CMIP: variants seen among roughly 807,000 people sequenced by gnomAD.
The protein encoded by CMIP is c-Maf inducing protein.
CMIP carries 13 observed loss-of-function variants against 97.3 expected under a neutral mutation model. The ratio of observed to expected loss-of-function variants is 0.13; its 90% CI spans 0.09 to 0.21. CMIP has a LOEUF of 0.21. CMIP is among the 10% of genes least tolerant of loss of function. The pLI is 1.00. For missense variants in CMIP, 847 were observed against 1,024.9 expected, an observed-to-expected ratio of 0.83 and a Z score of 2.37; for synonymous variants, 538 against 436.3, an observed-to-expected ratio of 1.23 and a Z score of -2.91.
chr16:81,597,526 G>A (rs2091577993), intron 1 of CMIP, among the ~76,000 whole-genome samples: 1 of 150,214 alleles, frequency 6.7e-6, no homozygotes, highest in Admixed American at 6.7e-5. Context: ...CCTCTTGCAG[G>A]ATTGTGGGAT....
chr16:81,645,904 A>C (rs1444048098), intron 3 of CMIP: 8 of 458,526 alleles, frequency 1.7e-5, no homozygotes, highest in Non-Finnish European at 3.2e-5. Flanking sequence ...ATTTGCAGAC[A>C]AGGAAACTGG....
chr16:81,461,130 G>C (rs986792529), intron 1 of CMIP, among the ~76,000 whole-genome samples: 2 of 152,184 alleles, frequency 1.3e-5, no homozygotes, highest in Admixed American at 1.3e-4. Context: ...TTCTGGCTTG[G>C]ATTGGGTGTC....
At chr16:81,654,169 TC>T (rs1246839841) in intron 4 of CMIP, among the ~76,000 whole-genome samples, 1 of 152,274 alleles carries the variant, frequency 6.6e-6, no homozygotes, top group East Asian at 1.9e-4. Flanking sequence ...AGATTTTTTT[TC>T]CCCTCTCAGA....
intron 1 of CMIP, among the ~76,000 whole-genome samples, chr16:81,482,968 A>G (rs2089251733): frequency 6.6e-6 from 1 of 152,254 alleles, no homozygotes; most frequent in Non-Finnish European, 1.5e-5. Flanking sequence ...GCACCATTGC[A>G]GGCACGGAGC....
At chr16:81,698,507 C>G (rs1026916414) in intron 14 of CMIP, among the ~76,000 whole-genome samples, 4 of 152,208 alleles carry the variant, frequency 2.6e-5, no homozygotes, top group African/African-American at 4.8e-5. Flanking sequence ...CGAAGGCTGC[C>G]TAGAAGTTTC....
At chr16:81,495,619 T>C in intron 1 of CMIP, 2 of 967,582 alleles carry the variant, frequency 2.1e-6, no homozygotes, top group Non-Finnish European at 1.6e-6. Context: ...GGCAGGTGTG[T>C]CTGCTAATCT....
At chr16:81,679,113 G>C (rs1041618620) in intron 10 of CMIP, among the ~76,000 whole-genome samples, 16 of 152,214 alleles carry the variant, frequency 1.1e-4, no homozygotes, top group African/African-American at 3.9e-4. Context: ...TGGGTGTGTG[G>C]GATCCTTAGA....
chr16:81,458,706 T>G (rs9940384), intron 1 of CMIP, among the ~76,000 whole-genome samples: 88,070 of 151,834 alleles, frequency 0.58, 25,971 homozygotes, highest in East Asian at 0.75. Flanking sequence ...ATCGGGCAGG[T>G]TGATTAGGAG....
At chr16:81,469,446 A>G (rs1907395341) in intron 1 of CMIP, among the ~76,000 whole-genome samples, 2 of 152,256 alleles carry the variant, frequency 1.3e-5, no homozygotes, top group Admixed American at 1.3e-4. Context: ...GATAATGCAC[A>G]TCTGGTGTTA....
At chr16:81,495,438 A>G (rs2089471567) in intron 1 of CMIP, 1 of 1,609,558 alleles carries the variant, frequency 6.2e-7, no homozygotes, top group Non-Finnish European at 8.5e-7. Context: ...TCCTGCGAGG[A>G]GGGAAGTTAC....
At chr16:81,575,587 C>A (rs1317973221) in intron 1 of CMIP, among the ~76,000 whole-genome samples, 2 of 152,176 alleles carry the variant, frequency 1.3e-5, no homozygotes, top group Non-Finnish European at 1.5e-5. Flanking sequence ...GGAGCCAACA[C>A]CCCCAGGACA....
At chr16:81,483,379 T>C (rs959672229) in intron 1 of CMIP, among the ~76,000 whole-genome samples, 3 of 152,114 alleles carry the variant, frequency 2.0e-5, no homozygotes, top group African/African-American at 7.2e-5. Flanking sequence ...GAATGTGCCT[T>C]GAGGAGGGTG....
intron 1 of CMIP, among the ~76,000 whole-genome samples, chr16:81,529,789 T>G (rs2150820552): frequency 6.6e-6 from 1 of 152,284 alleles, no homozygotes; most frequent in South Asian, 2.1e-4. Flanking sequence ...GCAGGCAGCC[T>G]TGGAGAACGG....
intron 3 of CMIP, among the ~76,000 whole-genome samples, chr16:81,646,674 T>A (rs1232223117): frequency 1.3e-5 from 2 of 152,240 alleles, no homozygotes; most frequent in African/African-American, 4.8e-5. Context: ...AATGTTCCAC[T>A]TTCTGTCTCT....
chr16:81,544,753 G>T (rs1030343402), intron 1 of CMIP, among the ~76,000 whole-genome samples: 6 of 151,888 alleles, frequency 4.0e-5, no homozygotes, highest in African/African-American at 1.5e-4. Context: ...GCGTGTATTT[G>T]TGTATGTGTG....
intron 3 of CMIP, among the ~76,000 whole-genome samples, chr16:81,640,290 C>G (rs942765358): frequency 2.0e-5 from 3 of 150,380 alleles, no homozygotes; most frequent in African/African-American, 7.3e-5. Context: ...CATCAGGCCC[C>G]CCCCCCCCCA....
intron 1 of CMIP, among the ~76,000 whole-genome samples, chr16:81,555,597 C>T (rs554252007): frequency 2.0e-5 from 3 of 152,274 alleles, no homozygotes; most frequent in South Asian, 4.1e-4. Context: ...ATTTGGGGCC[C>T]GGAGAGATCT....
chr16:81,462,497 T>C (rs1317069393), intron 1 of CMIP, among the ~76,000 whole-genome samples: 1 of 146,850 alleles, frequency 6.8e-6, no homozygotes, highest in African/African-American at 2.5e-5. Flanking sequence ...AATAAACATG[T>C]AAGTGATAAA....
At chr16:81,706,856 G>T (rs1393828723) in intron 19 of CMIP, among the ~76,000 whole-genome samples, 158 bp from the exon 20 acceptor site, 1 of 152,156 alleles carries the variant, frequency 6.6e-6, no homozygotes, top group Admixed American at 6.5e-5. Flanking sequence ...TGTCTAGTGG[G>T]CCACCTACCC....
Sources: allele counts gnomAD v4.1 joint callset (sites outside exome capture counted in the v4.1 genomes callset), GRCh38; gene constraint gnomAD v4.1.1; transcripts MANE v1.5; gene names NCBI Gene and HGNC (gene_info 2026-07-23, HGNC 2026-07-21).